Variants in SGCZ observed in about 807,000 individuals in gnomAD.
The protein encoded by SGCZ is zeta-sarcoglycan.
In SGCZ, 40 loss-of-function variants were observed where a neutral mutation model predicts 41.3. The ratio of observed to expected loss-of-function variants is 0.97; its 90% CI spans 0.75 to 1.26. The LOEUF is 1.26. Ranked by LOEUF, SGCZ falls within the 50% of genes most tolerant of loss-of-function variation. The pLI is 0.00. For synonymous variants in SGCZ, 206 were observed against 137.5 expected (o/e 1.50, Z -3.49); for missense variants, 552 against 369.8 (o/e 1.49, Z -4.04).
chr8:14,860,323 C>G (rs1803679895), intron 1 of SGCZ, among the ~76,000 whole-genome samples: 1 of 151,864 alleles, frequency 6.6e-6, no homozygotes, highest in South Asian at 2.1e-4. Flanking sequence ...TACATTTTAC[C>G]TTTCTGATGC....
chr8:14,247,642 T>C (rs554933015), intron 3 of SGCZ, among the ~76,000 whole-genome samples: 3 of 152,316 alleles, frequency 2.0e-5, no homozygotes, highest in Admixed American at 1.3e-4. Context: ...TTAGGCAACA[T>C]TTGCAGCAAC....
chr8:14,355,146 A>G (rs1803248372), intron 2 of SGCZ, among the ~76,000 whole-genome samples: 1 of 151,994 alleles, frequency 6.6e-6, no homozygotes, highest in Admixed American at 6.6e-5. Context: ...TTTATTACAC[A>G]TTTTGTTCAT....
chr8:14,290,894 T>C (rs1422562139), intron 3 of SGCZ, among the ~76,000 whole-genome samples: 1 of 152,160 alleles, frequency 6.6e-6, no homozygotes, highest in Admixed American at 6.5e-5. Context: ...GCACTCCTAC[T>C]TATATAGTAA....
intron 1 of SGCZ, among the ~76,000 whole-genome samples, chr8:14,697,059 A>G (rs747174694): frequency 1.1e-4 from 16 of 152,048 alleles, no homozygotes; most frequent in Admixed American, 7.2e-4. Flanking sequence ...GAACTATCCA[A>G]TATTCTATAG....
At chr8:14,705,549 A>C (rs1337105965) in intron 1 of SGCZ, among the ~76,000 whole-genome samples, 1 of 151,962 alleles carries the variant, frequency 6.6e-6, no homozygotes, top group Non-Finnish European at 1.5e-5. Flanking sequence ...ATCTCATCAT[A>C]GTTTTGAAGC....
At chr8:14,378,323 G>C (rs1246224691) in intron 2 of SGCZ, among the ~76,000 whole-genome samples, 4 of 152,100 alleles carry the variant, frequency 2.6e-5, no homozygotes, top group Non-Finnish European at 5.9e-5. Context: ...CTGCATAAAT[G>C]TCTTCTTAGA....
intron 1 of SGCZ, among the ~76,000 whole-genome samples, chr8:14,897,052 G>A (rs1035436146): frequency 2.6e-5 from 4 of 152,114 alleles, no homozygotes; most frequent in Admixed American, 6.5e-5. Flanking sequence ...AAAGTGATGG[G>A]ATTACAGGCG....
intron 1 of SGCZ, among the ~76,000 whole-genome samples, chr8:15,018,229 A>G (rs1335719380): frequency 1.3e-5 from 2 of 152,204 alleles, no homozygotes; most frequent in Non-Finnish European, 2.9e-5. Flanking sequence ...ATGTTTCTAA[A>G]CTTTCACGAT....
intron 1 of SGCZ, among the ~76,000 whole-genome samples, chr8:15,092,564 A>C (rs1320927488): frequency 1.3e-5 from 2 of 152,248 alleles, no homozygotes; most frequent in Non-Finnish European, 2.9e-5. Context: ...GGAGAAAGAA[A>C]ATAAATTCTT....
intron 3 of SGCZ, among the ~76,000 whole-genome samples, chr8:14,307,349 A>T (rs1259581196): frequency 6.6e-6 from 1 of 152,188 alleles, no homozygotes; most frequent in African/African-American, 2.4e-5. Context: ...AAATTTCAAT[A>T]GTTCAAAACT....
At chr8:14,698,008 T>A (rs1809020626) in intron 1 of SGCZ, among the ~76,000 whole-genome samples, 1 of 152,020 alleles carries the variant, frequency 6.6e-6, no homozygotes, top group Non-Finnish European at 1.5e-5. Flanking sequence ...AGGAATTATT[T>A]TCATTTCAAA....
intron 2 of SGCZ, among the ~76,000 whole-genome samples, chr8:14,373,007 C>T (rs570231051): frequency 1.3e-5 from 2 of 151,844 alleles, no homozygotes; most frequent in Non-Finnish European, 2.9e-5. Flanking sequence ...TGCTACTGAC[C>T]CAAGTATTGA....
intron 2 of SGCZ, among the ~76,000 whole-genome samples, chr8:14,354,387 C>T (rs1301007571): frequency 2.0e-5 from 3 of 151,632 alleles, no homozygotes; most frequent in Non-Finnish European, 4.4e-5. Context: ...TAAAAAACTC[C>T]TATAATGATA....
chr8:15,204,133 T>A (rs1800984930), intron 1 of SGCZ, among the ~76,000 whole-genome samples: 1 of 151,978 alleles, frequency 6.6e-6, no homozygotes. Flanking sequence ...ACATCTTACA[T>A]CTCTTGAAAA....
intron 1 of SGCZ, among the ~76,000 whole-genome samples, chr8:14,625,327 T>C (rs934668235): frequency 2.6e-5 from 4 of 152,190 alleles, no homozygotes; most frequent in Admixed American, 2.6e-4. Flanking sequence ...AGAAGCAGCT[T>C]CTGTTGTGTG....
intron 1 of SGCZ, among the ~76,000 whole-genome samples, chr8:15,140,531 A>G (rs1442509904): frequency 6.6e-6 from 1 of 152,188 alleles, no homozygotes; most frequent in African/African-American, 2.4e-5. Context: ...CATATTGGTA[A>G]TTCAACAAAT....
intron 2 of SGCZ, among the ~76,000 whole-genome samples, chr8:14,546,169 C>T (rs1211925286): frequency 6.6e-6 from 1 of 152,146 alleles, no homozygotes; most frequent in Non-Finnish European, 1.5e-5. Flanking sequence ...TAAATCCACA[C>T]ACACCACACT....
At chr8:14,134,910 T>A (rs73217962) in intron 5 of SGCZ, among the ~76,000 whole-genome samples, 16,438 of 152,250 alleles carry the variant, frequency 0.11, 1,027 homozygotes, top group Middle Eastern at 0.21. Flanking sequence ...ATGATGAGAA[T>A]GTTAAATTAA....
rs116843929 is a variant in SGCZ at position 14,921,248 on chromosome 8, C to T, written c.39+316337G>A. 3.0e-3 allele frequency among the ~76,000 whole-genome samples: 463 copies of T among 152,226 alleles called. 1 individual carries two copies. The highest frequency in any genetic ancestry group is 5.5e-3 in the Non-Finnish European group (375 of 68,014). Reference sequence around the variant, plus strand: ...CTACTTTCAAATCTCCACATCAATGCCTCTCCTTCAGACCTAAAATGATCT... The same window carrying T: ...CTACTTTCAAATCTCCACATCAATGTCTCTCCTTCAGACCTAAAATGATCT... On this transcript the variant is annotated intron_variant, in intron 1 of 7. Coordinates refer to ENST00000382080, the MANE Select transcript of SGCZ (RefSeq NM_139167.4).
Sources: allele counts gnomAD v4.1 joint callset (sites outside exome capture counted in the v4.1 genomes callset), GRCh38; gene constraint gnomAD v4.1.1; transcripts MANE v1.5; gene names NCBI Gene and HGNC (gene_info 2026-07-23, HGNC 2026-07-21).